Variants in GMPR observed in about 807,000 individuals in gnomAD.
GMPR encodes guanosine monophosphate reductase, also known as GMP reductase 1.
In GMPR, 31 loss-of-function variants were observed where a neutral mutation model predicts 38.4. The ratio of observed to expected loss-of-function variants is 0.81; its 90% CI spans 0.61 to 1.09. GMPR has a LOEUF of 1.09. GMPR is among the 50% of genes least tolerant of loss of function. GMPR has a pLI of 0.00. For synonymous variants in GMPR, 162 were observed against 173.3 expected, an observed-to-expected ratio of 0.93 and a Z score of 0.51; for missense variants, 468 against 453.7, an observed-to-expected ratio of 1.03 and a Z score of -0.29.
intron 4 of GMPR, among the ~76,000 whole-genome samples, chr6:16,268,283 G>A (rs561933213): frequency 9.1e-4 from 138 of 152,240 alleles, no homozygotes; most frequent in African/African-American, 3.2e-3. Context: ...CATTTTCCAC[G>A]TGCTTGGGAA....
intron 1 of GMPR, among the ~76,000 whole-genome samples, chr6:16,245,597 A>G (rs556596672): frequency 2.0e-5 from 3 of 152,318 alleles, no homozygotes; most frequent in Non-Finnish European, 4.4e-5. Context: ...CCCACTTCTA[A>G]TGTAGTTTGT....
intron 4 of GMPR, among the ~76,000 whole-genome samples, chr6:16,260,653 AGAGGTTCT>A (rs1759065962): frequency 6.6e-6 from 1 of 151,976 alleles, no homozygotes; most frequent in Non-Finnish European, 1.5e-5. Flanking sequence ...AAAGAAAATG[AGAGGTTCT>A]AAGAGGCGGG....
intron 1 of GMPR, among the ~76,000 whole-genome samples, chr6:16,243,750 G>T (rs1758702695): frequency 6.6e-6 from 1 of 152,192 alleles, no homozygotes; most frequent in Admixed American, 6.5e-5. Flanking sequence ...GGGCCTGTGG[G>T]CTATGCTGTT....
chr6:16,242,626 T>C (rs1758672542), intron 1 of GMPR, among the ~76,000 whole-genome samples: 1 of 152,098 alleles, frequency 6.6e-6, no homozygotes, highest in Admixed American at 6.5e-5. Flanking sequence ...AAATTTCTCC[T>C]TTTTATTTTA....
At chr6:16,266,130 TTGCCATCTTTAAGAGCTGTAACAC>T (rs1561826935) in intron 4 of GMPR, among the ~76,000 whole-genome samples, 7 of 46,864 alleles carry the variant, frequency 1.5e-4, no homozygotes, top group Non-Finnish European at 3.3e-5. Flanking sequence ...GCTGTAACAC[TTGCCATCTTTAAGAGCTGTAACAC>T]TTGCCATCTT....
At chr6:16,286,060 C>T (rs544914278) in intron 7 of GMPR, among the ~76,000 whole-genome samples, 2 of 152,066 alleles carry the variant, frequency 1.3e-5, no homozygotes, top group South Asian at 4.2e-4. Flanking sequence ...TCCTGCAAGC[C>T]AGGAGTGGGT....
chr6:16,275,404 C>A (rs1360975705), intron 5 of GMPR, among the ~76,000 whole-genome samples: 1 of 152,088 alleles, frequency 6.6e-6, no homozygotes, highest in Non-Finnish European at 1.5e-5. Context: ...GACTTGGCTC[C>A]GTGATCAGCC....
chr6:16,241,201 C>G (rs911221556), intron 1 of GMPR, among the ~76,000 whole-genome samples: 1 of 152,056 alleles, frequency 6.6e-6, no homozygotes, highest in African/African-American at 2.4e-5. Flanking sequence ...TGTACAGAGC[C>G]AGGAAAGAGA....
chr6:16,285,534 G>A (rs950713414), intron 6 of GMPR, among the ~76,000 whole-genome samples: 1 of 152,242 alleles, frequency 6.6e-6, no homozygotes, highest in African/African-American at 2.4e-5. Flanking sequence ...CTGAGCCCAG[G>A]CAGGCAGGTG....
At chr6:16,281,691 G>C (rs570928286) in intron 6 of GMPR, among the ~76,000 whole-genome samples, 4 of 150,468 alleles carry the variant, frequency 2.7e-5, no homozygotes, top group Non-Finnish European at 5.9e-5. Flanking sequence ...TGTATTTTTA[G>C]TAGAGGCAGG....
At chr6:16,265,641 A>G (rs76534715) in intron 4 of GMPR, among the ~76,000 whole-genome samples, 17,362 of 145,876 alleles carry the variant, frequency 0.12, 1,091 homozygotes, top group South Asian at 0.17. Flanking sequence ...CTAAAGCAGC[A>G]CTGTGTCTAG....
intron 4 of GMPR, among the ~76,000 whole-genome samples, chr6:16,271,842 T>A (rs2113691853): frequency 6.6e-6 from 1 of 152,340 alleles, no homozygotes. Flanking sequence ...ACACTTTTTT[T>A]AATAACAAAA....
At chr6:16,270,508 C>T (rs557894813) in intron 4 of GMPR, among the ~76,000 whole-genome samples, 1 of 152,352 alleles carries the variant, frequency 6.6e-6, no homozygotes, top group South Asian at 2.1e-4. Context: ...TGCTTCCTGG[C>T]CCCTGTTATC....
chr6:16,282,094 GTCCC>G (rs1759584061), intron 6 of GMPR, among the ~76,000 whole-genome samples: 1 of 152,194 alleles, frequency 6.6e-6, no homozygotes, highest in East Asian at 1.9e-4. Flanking sequence ...CCTTCCAGCT[GTCCC>G]ATTTTACCCT....
intron 4 of GMPR, among the ~76,000 whole-genome samples, chr6:16,272,926 G>A (rs999655292): frequency 6.6e-6 from 1 of 152,050 alleles, no homozygotes; most frequent in Non-Finnish European, 1.5e-5. Flanking sequence ...AGCCTCCCAA[G>A]TGCTGTGGTT....
Position 16,290,568 on chromosome 6 carries a change from G to A in GMPR, c.804G>A (p.Gly268=). The change falls in exon 8 of 9, where the codon GGG becomes GGA. Residue 268 remains glycine (G), a synonymous_variant. Coordinates refer to ENST00000259727, the MANE Select transcript of GMPR (RefSeq NM_006877.4). ...GACGGAAGCTCAAGCTCTTCTACGG[G>A]ATGAGCTCTGACACCGCCATGAACA... ...RNGRKLKLFY[G]MSSDTAMNKH... 2 of 1,614,194 alleles carry A rather than the reference G, an allele frequency of 1.2e-6. No individual in the cohort carries two copies. Among genetic ancestry groups the A allele is most frequent in the Non-Finnish European group, 1.7e-6 (2 of 1,180,008 alleles).
At chr6:16,265,939 A>G (rs1166527102) in intron 4 of GMPR, among the ~76,000 whole-genome samples, 1 of 152,180 alleles carries the variant, frequency 6.6e-6, no homozygotes, top group Admixed American at 6.5e-5. Context: ...CAGTGAGACC[A>G]CGAAGCCACC....
At chr6:16,246,273 C>T (rs1758753959) in intron 1 of GMPR, among the ~76,000 whole-genome samples, 1 of 152,196 alleles carries the variant, frequency 6.6e-6, no homozygotes, top group African/African-American at 2.4e-5. Context: ...GACCTCCCCA[C>T]CCAGCTGCTT....
chr6:16,249,459 C>A (rs1758824179), intron 2 of GMPR, among the ~76,000 whole-genome samples: 1 of 152,122 alleles, frequency 6.6e-6, no homozygotes, highest in African/African-American at 2.4e-5. Context: ...AATGTGCCAC[C>A]ACGCTTAGCA....
Sources: allele counts gnomAD v4.1 joint callset (sites outside exome capture counted in the v4.1 genomes callset), GRCh38; gene constraint gnomAD v4.1.1; transcripts MANE v1.5; gene names NCBI Gene and HGNC (gene_info 2026-07-23, HGNC 2026-07-21).